COL4A2: variants seen among roughly 807,000 people sequenced by gnomAD.
COL4A2 encodes the protein collagen alpha-2(IV) chain.
COL4A2 carries 99 observed loss-of-function variants against 200.2 expected under a neutral mutation model. That is an observed-to-expected ratio of 0.49 (90% confidence interval 0.42 to 0.58). COL4A2 has a LOEUF of 0.58. COL4A2 is among the 20% of genes least tolerant of loss of function. COL4A2 has a pLI of 0.00. For synonymous variants in COL4A2, 897 were observed against 900.6 expected (o/e 1.00, Z 0.07); for missense variants, 1,950 against 2,314.1 (o/e 0.84, Z 3.23).
intron 4 of COL4A2, among the ~76,000 whole-genome samples, chr13:110,410,580 G>T (rs540631092): frequency 6.6e-6 from 1 of 151,970 alleles, no homozygotes; most frequent in Non-Finnish European, 1.5e-5. Flanking sequence ...TTTTTCTCCC[G>T]TAGCTTTCCT....
intron 4 of COL4A2, among the ~76,000 whole-genome samples, chr13:110,414,968 C>A (rs1879985501): frequency 6.6e-6 from 1 of 152,174 alleles, no homozygotes; most frequent in Admixed American, 6.5e-5. Context: ...CTTTCTGTAG[C>A]AGCAGCACTC....
chr13:110,485,909 G>C, intron 34 of COL4A2, 73 bp downstream of exon 34: 1 of 1,581,532 alleles, frequency 6.3e-7, no homozygotes, highest in Non-Finnish European at 8.6e-7. Flanking sequence ...ACATGCTTTG[G>C]TCTGGAATTT....
chr13:110,363,536 G>T (rs1291392690), intron 4 of COL4A2, among the ~76,000 whole-genome samples: 1 of 152,124 alleles, frequency 6.6e-6, no homozygotes, highest in East Asian at 1.9e-4. Context: ...ATAACGAGAA[G>T]GCAAGAAAAT....
At chr13:110,423,165 CG>C (rs1305221503) in intron 4 of COL4A2, among the ~76,000 whole-genome samples, 8 of 152,196 alleles carry the variant, frequency 5.3e-5, no homozygotes, top group East Asian at 3.9e-4. Flanking sequence ...TTAGGACATA[CG>C]TTTTTTTAAG....
In COL4A2 at chr13:110,458,882, G is replaced by C; in HGVS notation, c.1544G>C (p.Gly515Ala). The change falls in exon 22 of 48, where the codon GGG (glycine) becomes GCG (alanine). Residue 515 changes from glycine to alanine, a missense_variant. Around this residue, in one of 2 missense-constraint regions of COL4A2, gnomAD observed 1,385 missense variants for 1,720.5 expected, o/e 0.80. Coordinates refer to ENST00000360467, the MANE Select transcript of COL4A2 (RefSeq NM_001846.4). ...ATCAACGGGGAGCCGGGGAGGAAAG[G>C]GGACAGAGGAGACCCCGGCCAACAC... is the stretch of plus-strand genomic sequence containing the variant. ...AGINGEPGRK[G>A]DRGDPGQHGL... The C allele has an allele frequency of 6.2e-7, 1 of 1,609,558 alleles. No individual in the cohort carries two copies. Among genetic ancestry groups the C allele is most frequent in the East Asian group, 2.2e-5 (1 of 44,710 alleles).
chr13:110,399,605 A>G (rs146578834), intron 4 of COL4A2, among the ~76,000 whole-genome samples: 1 of 152,236 alleles, frequency 6.6e-6, no homozygotes, highest in Non-Finnish European at 1.5e-5. Context: ...CTCCAGATGC[A>G]TAGCATTCCC....
intron 4 of COL4A2, among the ~76,000 whole-genome samples, chr13:110,409,336 A>T (rs555389645): frequency 3.3e-5 from 5 of 152,218 alleles, no homozygotes; most frequent in Non-Finnish European, 1.5e-5. Flanking sequence ...GGATATTCCA[A>T]CCGCAAAGAA....
intron 4 of COL4A2, among the ~76,000 whole-genome samples, chr13:110,382,393 C>T (rs1012384009): frequency 5.3e-5 from 8 of 152,148 alleles, no homozygotes; most frequent in Admixed American, 3.3e-4. Context: ...ACCCGTCTTC[C>T]GCCCACTTCC....
intron 19 of COL4A2, 94 bp downstream of exon 19, chr13:110,449,883 A>G (rs762165371): frequency 3.7e-6 from 5 of 1,363,264 alleles, no homozygotes; most frequent in Non-Finnish European, 5.0e-6. Flanking sequence ...CGACGTAGCT[A>G]TGTCGTTGTT....
intron 4 of COL4A2, among the ~76,000 whole-genome samples, chr13:110,423,934 G>C (rs985539142): frequency 6.6e-6 from 1 of 152,172 alleles, no homozygotes; most frequent in Non-Finnish European, 1.5e-5. Flanking sequence ...ATTCCATTGT[G>C]TGGGTGTCTA....
intron 4 of COL4A2, among the ~76,000 whole-genome samples, chr13:110,382,226 G>A (rs1350188261): frequency 3.3e-5 from 5 of 152,182 alleles, no homozygotes; most frequent in African/African-American, 1.2e-4. Flanking sequence ...TGGTGGACAA[G>A]TATTTGAGGA....
intron 45 of COL4A2, among the ~76,000 whole-genome samples, chr13:110,506,132 G>GCT (rs750572426): frequency 3.4e-4 from 52 of 152,028 alleles, no homozygotes; most frequent in African/African-American, 1.3e-3. Flanking sequence ...CAAGGGGGCT[G>GCT]CTCTCTCTCT....
chr13:110,502,363 C>T (rs10454543), intron 41 of COL4A2, among the ~76,000 whole-genome samples: 85,919 of 152,084 alleles, frequency 0.56, 24,730 homozygotes, highest in Middle Eastern at 0.66. Flanking sequence ...CTTGCTCTGT[C>T]GCCCAGGCTG....
At chr13:110,456,424 G>C (rs1054044484) in intron 20 of COL4A2, 4 of 271,464 alleles carry the variant, frequency 1.5e-5, no homozygotes, top group Non-Finnish European at 2.9e-5. Context: ...AGTTTTTTGG[G>C]GGGGAACCAG....
At chr13:110,379,701 T>C (rs1237954081) in intron 4 of COL4A2, among the ~76,000 whole-genome samples, 1 of 152,162 alleles carries the variant, frequency 6.6e-6, no homozygotes, top group Non-Finnish European at 1.5e-5. Context: ...CTGGGCACAT[T>C]AGTTAATCTC....
intron 45 of COL4A2, among the ~76,000 whole-genome samples, chr13:110,504,897 C>T (rs1408523765): frequency 1.3e-5 from 2 of 151,822 alleles, no homozygotes; most frequent in African/African-American, 2.4e-5. Context: ...TGTAAGTCAC[C>T]GTGCCTGGTC....
chr13:110,433,914 G>A (rs1594211743), intron 11 of COL4A2, among the ~76,000 whole-genome samples: 4 of 152,176 alleles, frequency 2.6e-5, no homozygotes, highest in South Asian at 2.1e-4. Flanking sequence ...AGAGAATCAC[G>A]TAAAATCATT....
rs539909280 is a variant in COL4A2, at chr13:110,432,771, A to G, written c.684+411A>G. Among the ~76,000 whole-genome samples the G allele has an allele frequency of 3.9e-5, 6 of 152,376 alleles. No individual in the cohort carries two copies. In the South Asian group the frequency reaches 1.2e-3, roughly 32 times the overall value. Reference sequence around the variant, plus strand: ...TCATTCTTCTTATCTGGCTAGAATTAGGTTCTACAGGAGTCTAATGTCAGC... The same window carrying G: ...TCATTCTTCTTATCTGGCTAGAATTGGGTTCTACAGGAGTCTAATGTCAGC... On this transcript the variant is annotated intron_variant, in intron 11 of 47. Coordinates refer to ENST00000360467, the MANE Select transcript of COL4A2 (RefSeq NM_001846.4).
chr13:110,342,825 G>A (rs1377600972), intron 3 of COL4A2, among the ~76,000 whole-genome samples: 11 of 152,158 alleles, frequency 7.2e-5, no homozygotes, highest in Non-Finnish European at 1.5e-4. Context: ...GGAAGCTTAG[G>A]GCAGGGCAAA....
Sources: allele counts gnomAD v4.1 joint callset (sites outside exome capture counted in the v4.1 genomes callset), GRCh38; gene constraint gnomAD v4.1.1; regional missense constraint gnomAD v4.1.1; transcripts MANE v1.5; gene names NCBI Gene and HGNC (gene_info 2026-07-23, HGNC 2026-07-21).